The following LRP5 variants were observed in gnomAD, a reference collection of about 807,000 sequenced individuals.
LRP5 encodes the protein low-density lipoprotein receptor-related protein 5.
LRP5 carries 62 observed loss-of-function variants against 154.1 expected under a neutral mutation model. The ratio of observed to expected loss-of-function variants is 0.40; its 90% CI spans 0.33 to 0.50. The LOEUF is 0.50. Ranked by LOEUF, LRP5 falls within the 20% of genes least tolerant of loss-of-function variation. The probability of loss-of-function intolerance (pLI) is 0.55; values close to 1 mark genes in which losing one functional copy is unlikely to be tolerated. For synonymous variants in LRP5, 966 were observed against 1,011.5 expected, an observed-to-expected ratio of 0.96 and a Z score of 0.85; for missense variants, 1,915 against 2,336.7, an observed-to-expected ratio of 0.82 and a Z score of 3.72.
chr11:68,324,186 G>A (rs1000137023), intron 1 of LRP5, among the ~76,000 whole-genome samples: 1 of 152,256 alleles, frequency 6.6e-6, no homozygotes, highest in East Asian at 1.9e-4. Flanking sequence ...CCCCAAGTGC[G>A]GCGTTGCCTG....
chr11:68,424,389 C>T (rs2098667514), intron 14 of LRP5, among the ~76,000 whole-genome samples: 1 of 152,146 alleles, frequency 6.6e-6, no homozygotes, highest in South Asian at 2.1e-4. Context: ...GGCATAGCCT[C>T]TTGGAGACTC....
Position 68,413,632 on chromosome 11 carries a change from G to A in LRP5, c.2504-57G>A. The A allele has an allele frequency of 6.6e-7, 1 of 1,522,364 alleles. No individual in the cohort carries two copies. Among genetic ancestry groups the A allele is most frequent in the Admixed American group, 1.7e-5 (1 of 59,908 alleles). The allele number at this position is 1,522,364 out of a possible 1,614,324, so 94.3% of individuals were successfully genotyped here. On this transcript the variant is annotated intron_variant, in intron 11 of 22. Transcript: ENST00000294304. This position sits in a 1 kb window ranked among gnomAD's most constrained non-coding sequence, Gnocchi z 5.1. The stretch of plus-strand genomic sequence containing the variant: ...CCTGGCTCACCCCGCAGGGCGCCGT[G>A]TGCTCTGTGGCCTGGCTGTGCCTTT...
chr11:68,314,494 A>G (rs1231701521), intron 1 of LRP5, among the ~76,000 whole-genome samples: 8 of 152,230 alleles, frequency 5.3e-5, no homozygotes, highest in African/African-American at 1.9e-4. Context: ...CCCTGGTTTT[A>G]CTGTGTGAAA....
chr11:68,393,925 C>T lies in LRP5; in HGVS notation c.1584+3873C>T, dbSNP rs941679318. ...TTGTCCCAGGCTTGCCACACCTCAG[C>T]ACTTTGAGATACGTCGCACAGTCCC... On this transcript the variant is annotated intron_variant, in intron 7 of 22. Transcript: ENST00000294304. 2.6e-5 allele frequency among the ~76,000 whole-genome samples: 4 copies of T among 152,198 alleles called. 1 individual carries two copies. The highest frequency in any genetic ancestry group is 5.9e-5 in the Non-Finnish European group (4 of 68,042).
intron 2 of LRP5, among the ~76,000 whole-genome samples, chr11:68,356,654 C>T (rs536034134): frequency 1.1e-3 from 163 of 152,312 alleles, no homozygotes; most frequent in Admixed American, 1.1e-3. Flanking sequence ...CACGAGGGTT[C>T]GCCCTTGATT....
intron 5 of LRP5, among the ~76,000 whole-genome samples, chr11:68,369,415 C>T (rs2153142595): frequency 6.6e-6 from 1 of 152,182 alleles, no homozygotes; most frequent in East Asian, 1.9e-4. Flanking sequence ...AAGCAGGTGT[C>T]ACCATCTCTG....
At chr11:68,440,807 C>T (rs780844213) in intron 21 of LRP5, among the ~76,000 whole-genome samples, 2 of 151,952 alleles carry the variant, frequency 1.3e-5, no homozygotes, top group Non-Finnish European at 2.9e-5. Context: ...ACTTTTGTTG[C>T]CCAGGCTTCA....
Position 68,433,605 on chromosome 11 carries a change from C to G in LRP5, c.3767C>G (p.Pro1256Arg), listed in dbSNP as rs772149876. 3 of 1,613,064 alleles carry G rather than the reference C, an allele frequency of 1.9e-6. No individual in the cohort carries two copies. In the East Asian group the frequency reaches 6.7e-5, roughly 36 times the overall value. The stretch of plus-strand genomic sequence containing the variant: ...TTCTCCTCTGTCCCTCCCCCAGAGC[C>G]GCCCACCTGCTCCCCGGACCAGTTT... Reference protein sequence around the residue: ...LLQNLLTCGEPPTCSPDQFAC... With the variant: ...LLQNLLTCGERPTCSPDQFAC... The change falls in exon 18 of 23, where the codon CCG (proline) becomes CGG (arginine). Residue 1256 changes from proline to arginine, a missense_variant. This residue lies in a region of LRP5 where 1,094 missense variants were observed against 1,210.1 expected (regional missense o/e 0.90). Transcript: ENST00000294304.
At chr11:68,443,581 ATATATT>A (rs1482007782) in intron 21 of LRP5, among the ~76,000 whole-genome samples, 206 of 36,696 alleles carry the variant, frequency 5.6e-3, no homozygotes, top group African/African-American at 0.013. Context: ...ATATATATAT[ATATATT>A]TTTTTTTTTT....
At chr11:68,387,807 C>T (rs1269784351) in intron 6 of LRP5, among the ~76,000 whole-genome samples, 1 of 152,180 alleles carries the variant, frequency 6.6e-6, no homozygotes, top group Non-Finnish European at 1.5e-5. Flanking sequence ...GTGCTGCCCT[C>T]TGTGGAGCAC....
chr11:68,408,236 T>A (rs977266671), intron 9 of LRP5, among the ~76,000 whole-genome samples: 6 of 140,434 alleles, frequency 4.3e-5, no homozygotes, highest in African/African-American at 1.0e-4. Flanking sequence ...CCACCACTCC[T>A]GGCTGATTTT....
At chr11:68,415,473 C>T (rs537759237) in intron 12 of LRP5, among the ~76,000 whole-genome samples, 20 of 152,200 alleles carry the variant, frequency 1.3e-4, no homozygotes, top group Non-Finnish European at 2.8e-4. Context: ...GGGCTGGACA[C>T]GGTGGCTCAT....
At chr11:68,434,073 A>T (rs888922318) in intron 18 of LRP5, among the ~76,000 whole-genome samples, 1 of 152,190 alleles carries the variant, frequency 6.6e-6, no homozygotes, top group African/African-American at 2.4e-5. Flanking sequence ...ACCTTCCTGC[A>T]TTAGGTCAGG....
At position 68,411,514 on chromosome 11, in the gene LRP5, G is replaced by T. The variant is rs768094405; in HGVS notation, c.2397G>T (p.Leu799=). The T allele has an allele frequency of 6.8e-6, 11 of 1,613,634 alleles. No individual in the cohort carries two copies. In the African/African-American group the frequency reaches 1.3e-4, roughly 20 times the overall value. Residue 799 remains leucine, a synonymous_variant, in exon 11 of 23, where the codon CTG becomes CTT. Coordinates refer to ENST00000294304, the MANE Select transcript of LRP5 (RefSeq NM_002335.4). The stretch of plus-strand genomic sequence containing the variant: ...TGGACGGGACCAACTGCATGACGCT[G>T]GTGGACAAGGTGGGCCGGGCCAACG... The part of the protein sequence containing the change: ...AFMDGTNCMT[L]VDKVGRANDL...
At chr11:68,348,545 T>TG (rs1474176600) in intron 2 of LRP5, among the ~76,000 whole-genome samples, 1 of 142,360 alleles carries the variant, frequency 7.0e-6, no homozygotes, top group Non-Finnish European at 1.5e-5. Flanking sequence ...AATGAACTCG[T>TG]GGGGGGGTTG....
chr11:68,325,258 A>T (rs1447841976), intron 1 of LRP5, among the ~76,000 whole-genome samples: 2 of 152,160 alleles, frequency 1.3e-5, no homozygotes, highest in East Asian at 3.9e-4. Flanking sequence ...CCCCAGCCTC[A>T]CTGGCTGTTG....
intron 5 of LRP5, among the ~76,000 whole-genome samples, chr11:68,367,411 GGGCCCTGGTGGAGCAA>G (rs1271222056): frequency 2.6e-5 from 4 of 152,192 alleles, no homozygotes; most frequent in African/African-American, 9.6e-5. Context: ...CCCCATACCT[GGGCCCTGGTGGAGCAA>G]GGCCCTGGTC....
In LRP5 at chr11:68,433,849, C is replaced by G. The variant is rs367615138; in HGVS notation, c.4000+11C>G. ...AGGCGGACTGTGACGGTGAGGCCCT[C>G]CCCGTCAAGGCTCTGCCAAGACCCT... On this transcript the variant is annotated intron_variant, in intron 18 of 22. Coordinates refer to ENST00000294304, the MANE Select transcript of LRP5 (RefSeq NM_002335.4). The G allele has an allele frequency of 5.5e-5, 89 of 1,609,426 alleles. No individual in the cohort carries two copies. In the African/African-American group the frequency reaches 1.1e-3, roughly 21 times the overall value.
chr11:68,323,593 C>CT lies in LRP5; in HGVS notation c.91+10795dup, dbSNP rs577524323. Among the ~76,000 whole-genome samples the CT allele has an allele frequency of 7.3e-4, 111 of 152,038 alleles. 1 individual carries two copies. In the South Asian group the frequency reaches 0.022, roughly 31 times the overall value. On this transcript the variant is annotated intron_variant, in intron 1 of 22. Transcript: ENST00000294304. The stretch of plus-strand genomic sequence containing the variant: ...CAGGCCCAGGTAATTTTTTAAAACA[C>CT]TTTTTTTGTAGAAATGGGGTCCCTC...
Sources: allele counts gnomAD v4.1 joint callset (sites outside exome capture counted in the v4.1 genomes callset), GRCh38; gene constraint gnomAD v4.1.1; regional missense constraint gnomAD v4.1.1; non-coding constraint Gnocchi (gnomAD v3.1); transcripts MANE v1.5; gene names NCBI Gene and HGNC (gene_info 2026-07-23, HGNC 2026-07-21).